Variants in KCNIP1 observed in about 807,000 individuals in gnomAD.
KCNIP1 encodes the protein A-type potassium channel modulatory protein KCNIP1.
In KCNIP1, 18 loss-of-function variants were observed where a neutral mutation model predicts 33.0. The observed-to-expected ratio is 0.55, with a 90% CI of 0.38 to 0.81. KCNIP1 has a LOEUF of 0.81. KCNIP1 is among the 30% of genes least tolerant of loss of function. KCNIP1 has a pLI of 0.00. For missense variants in KCNIP1, 238 were observed against 271.6 expected (o/e 0.88, Z 0.87); for synonymous variants, 93 against 98.3 (o/e 0.95, Z 0.32).
chr5:170,726,785 C>T (rs1055844823), intron 5 of KCNIP1, among the ~76,000 whole-genome samples: 5 of 146,148 alleles, frequency 3.4e-5, no homozygotes, highest in African/African-American at 1.3e-4. Context: ...GTGGTAAGCA[C>T]CTGTGGTCCC....
chr5:170,732,932 T>C, intron 6 of KCNIP1, 28 bp downstream of exon 6: 1 of 1,416,398 alleles, frequency 7.1e-7, no homozygotes, highest in South Asian at 1.2e-5. Context: ...GCACATGAGC[T>C]GTAAGCCCAG....
At chr5:170,357,710 T>C (rs1763385473) in intron 1 of KCNIP1, among the ~76,000 whole-genome samples, 1 of 152,140 alleles carries the variant, frequency 6.6e-6, no homozygotes, top group African/African-American at 2.4e-5. Context: ...TGACTGTTTA[T>C]AGAGACAGGG....
At chr5:170,517,209 C>T (rs1379272294) in intron 1 of KCNIP1, among the ~76,000 whole-genome samples, 1 of 152,078 alleles carries the variant, frequency 6.6e-6, no homozygotes, top group Non-Finnish European at 1.5e-5. Flanking sequence ...CATATTTTCA[C>T]ATAGTGGTAG....
chr5:170,562,392 C>T (rs925146027), intron 1 of KCNIP1, among the ~76,000 whole-genome samples: 25 of 152,164 alleles, frequency 1.6e-4, no homozygotes, highest in Admixed American at 4.6e-4. Context: ...GCAACCAGCA[C>T]GTGAGCTCTG....
chr5:170,583,373 T>C (rs1159462287), intron 1 of KCNIP1, among the ~76,000 whole-genome samples: 1 of 152,126 alleles, frequency 6.6e-6, no homozygotes, highest in Non-Finnish European at 1.5e-5. Flanking sequence ...CCCAGTGCCT[T>C]GTGTATATTA....
chr5:170,363,742 T>C (rs1264375574), intron 1 of KCNIP1, among the ~76,000 whole-genome samples: 1 of 152,192 alleles, frequency 6.6e-6, no homozygotes, highest in Non-Finnish European at 1.5e-5. Flanking sequence ...TTAACCATTT[T>C]TAAGTGCACA....
At chr5:170,460,435 C>A (rs1302909787) in intron 1 of KCNIP1, among the ~76,000 whole-genome samples, 1 of 152,068 alleles carries the variant, frequency 6.6e-6, no homozygotes, top group African/African-American at 2.4e-5. Context: ...TGCAAAAAAT[C>A]CTTAACAAAA....
Position 170,504,253 on chromosome 5 carries a change from G to C in KCNIP1, c.-320G>C. The C allele has an allele frequency of 2.7e-6, 3 of 1,122,668 alleles. No homozygotes were observed. Among genetic ancestry groups the C allele is most frequent in the Non-Finnish European group, 3.3e-6 (3 of 919,356 alleles). 69.5% of individuals were successfully genotyped at this position (1,122,668 alleles called of 1,614,324 possible). A position where few individuals can be genotyped will look rare whatever the true frequency, so the allele number is the denominator to read the frequency against. Reference sequence around the variant, plus strand: ...TCGGCCGGGCGGCCGCTCTGGCCCCGTGTCCAGTGCCAGGCAGGCTTCAGG... The same window carrying C: ...TCGGCCGGGCGGCCGCTCTGGCCCCCTGTCCAGTGCCAGGCAGGCTTCAGG... On this transcript the variant is annotated 5_prime_UTR_variant, in exon 1 of 8. Transcript: ENST00000328939. The surrounding 1 kb of genome is among the most constrained non-coding windows in gnomAD (Gnocchi z 6.0).
At chr5:170,698,022 A>C (rs561724184) in intron 1 of KCNIP1, among the ~76,000 whole-genome samples, 2 of 152,280 alleles carry the variant, frequency 1.3e-5, no homozygotes, top group East Asian at 3.9e-4. Flanking sequence ...TTAAAAATCT[A>C]TCCATACAAG....
At chr5:170,580,741 A>G (rs897358904) in intron 1 of KCNIP1, among the ~76,000 whole-genome samples, 2 of 152,220 alleles carry the variant, frequency 1.3e-5, no homozygotes, top group African/African-American at 4.8e-5. Flanking sequence ...GCAAGACATA[A>G]AAAGCCAATT....
upstream of KCNIP1, among the ~76,000 whole-genome samples, chr5:170,501,935 T>G (rs983110380): frequency 6.6e-6 from 1 of 152,152 alleles, no homozygotes; most frequent in African/African-American, 2.4e-5. Context: ...ATTCCAGGCC[T>G]CCCTGGCCTG....
chr5:170,544,841 CTTCT>C (rs1756354992), intron 1 of KCNIP1, among the ~76,000 whole-genome samples: 1 of 152,158 alleles, frequency 6.6e-6, no homozygotes, highest in Non-Finnish European at 1.5e-5. Context: ...CCTGTACCCA[CTTCT>C]TTCTTTTTGT....
chr5:170,609,996 G>C (rs182951978), intron 1 of KCNIP1, among the ~76,000 whole-genome samples: 7 of 152,348 alleles, frequency 4.6e-5, no homozygotes, highest in Admixed American at 3.9e-4. Context: ...TCTTGCTGGG[G>C]TGGGTCCTAA....
intron 1 of KCNIP1, among the ~76,000 whole-genome samples, chr5:170,652,676 C>G (rs778633583): frequency 2.6e-5 from 4 of 152,146 alleles, no homozygotes; most frequent in Non-Finnish European, 5.9e-5. Flanking sequence ...TTCATGTGTG[C>G]TTGCCCAAGT....
intron 1 of KCNIP1, among the ~76,000 whole-genome samples, chr5:170,633,886 C>T (rs187919768): frequency 6.9e-4 from 105 of 152,204 alleles, no homozygotes; most frequent in African/African-American, 2.3e-3. Context: ...ATTTTAATCC[C>T]TCTGGCTGCT....
intron 1 of KCNIP1, among the ~76,000 whole-genome samples, chr5:170,379,558 A>G (rs955692335): frequency 3.3e-5 from 5 of 152,282 alleles, no homozygotes; most frequent in Non-Finnish European, 5.9e-5. Flanking sequence ...GGGCCTGTCA[A>G]TAGGGAGAGA....
intron 1 of KCNIP1, among the ~76,000 whole-genome samples, chr5:170,646,345 A>G (rs956522674): frequency 6.6e-6 from 1 of 152,184 alleles, no homozygotes; most frequent in Non-Finnish European, 1.5e-5. Flanking sequence ...ATTCTCAACA[A>G]AGTATTTGCA....
chr5:170,544,569 A>G (rs541104859), intron 1 of KCNIP1, among the ~76,000 whole-genome samples: 17 of 152,154 alleles, frequency 1.1e-4, no homozygotes, highest in African/African-American at 3.9e-4. Flanking sequence ...GTTTATTTTT[A>G]GCACCTTCCT....
chr5:170,501,199 C>A (rs1757403857), upstream of KCNIP1, among the ~76,000 whole-genome samples: 1 of 152,120 alleles, frequency 6.6e-6, no homozygotes, highest in East Asian at 1.9e-4. Context: ...CGACTCAGGG[C>A]CAGGGAGGGA....
Sources: allele counts gnomAD v4.1 joint callset (sites outside exome capture counted in the v4.1 genomes callset), GRCh38; gene constraint gnomAD v4.1.1; non-coding constraint Gnocchi (gnomAD v3.1); transcripts MANE v1.5; gene names NCBI Gene and HGNC (gene_info 2026-07-23, HGNC 2026-07-21).